The following PIEZO1 variants were observed in gnomAD, a reference collection of about 807,000 sequenced individuals.
PIEZO1 encodes piezo type mechanosensitive ion channel component 1 (Er blood group), also known as piezo-type mechanosensitive ion channel component 1.
In PIEZO1, 296 loss-of-function variants were observed where a neutral mutation model predicts 297.2. The observed-to-expected ratio is 1.00, with a 90% CI of 0.91 to 1.10. The LOEUF (loss-of-function observed/expected upper bound fraction) is 1.10, where lower values mean the gene tolerates loss of function less well. Among genes scored for constraint, PIEZO1 ranks in the 50% least tolerant of loss-of-function variants. PIEZO1 has a pLI of 0.00. For synonymous variants in PIEZO1, 2,427 were observed against 1,507.5 expected (o/e 1.61, Z -14.13); for missense variants, 5,018 against 3,455.5 (o/e 1.45, Z -11.34).
intron 27 of PIEZO1, 71 bp from the exon 28 acceptor site, chr16:88,725,755 C>T (rs1406385129): frequency 3.7e-6 from 3 of 811,814 alleles, no homozygotes; most frequent in Non-Finnish European, 4.2e-6. Flanking sequence ...CCGCCGCTCC[C>T]CGCTCAGCCC....
At chr16:88,741,353 T>G (rs765492370) in intron 5 of PIEZO1, 125 bp downstream of exon 5, 141 of 927,654 alleles carry the variant, frequency 1.5e-4, no homozygotes, top group Non-Finnish European at 2.0e-4. Context: ...CCTCCTCTCT[T>G]TAACACCAAC....
chr16:88,726,335 T>C lies in PIEZO1; in HGVS notation c.3917A>G (p.Tyr1306Cys). The change falls in exon 27 of 51, where the codon TAC becomes TGC. Residue 1306 changes from tyrosine to cysteine, a missense_variant. Transcript: ENST00000301015. ...LLQRRVFLSHYYLHVRADLQA... is the reference protein window; with the variant it reads ...LLQRRVFLSHCYLHVRADLQA... ...GAGGTCGGCCCTGACGTGCAGGTAG[T>C]AATGGCTAAGGAAGACGCGGCGCTG... 1 of 1,550,314 alleles carries C rather than the reference T, an allele frequency of 6.5e-7. No homozygotes were observed. Among genetic ancestry groups the C allele is most frequent in the South Asian group, 1.2e-5 (1 of 84,058 alleles).
intron 1 of PIEZO1, among the ~76,000 whole-genome samples, chr16:88,778,990 A>G (rs1305694482): frequency 6.7e-6 from 1 of 149,102 alleles, no homozygotes; most frequent in African/African-American, 2.5e-5. Flanking sequence ...GGGAGGACAG[A>G]GGTTCAAAGG....
At chr16:88,758,926 G>T (rs1183542390) in intron 1 of PIEZO1, among the ~76,000 whole-genome samples, 2 of 152,214 alleles carry the variant, frequency 1.3e-5, no homozygotes. Flanking sequence ...CATTCCTTTT[G>T]TGTAAAACTG....
intron 1 of PIEZO1, among the ~76,000 whole-genome samples, chr16:88,776,345 A>T (rs1471083645): frequency 2.0e-5 from 3 of 151,984 alleles, no homozygotes; most frequent in Non-Finnish European, 4.4e-5. Context: ...GAGGAAGGAG[A>T]ATGGCGTGAA....
rs1278788362 is a variant in PIEZO1, at chr16:88,716,502, C to T, written c.6927-19G>A. 1.3e-5 allele frequency: 20 copies of T among 1,541,452 alleles called. No homozygotes were observed. Among genetic ancestry groups the T allele is most frequent in the East Asian group, 7.4e-5 (3 of 40,814 alleles). ...CAGGTCCCTGGGGGTGGGAACACAG[C>T]GTGACCCACTGTAGTGGGTCCACCC... is the stretch of plus-strand genomic sequence containing the variant. On this transcript the variant is annotated intron_variant, in intron 47 of 50. Coordinates refer to ENST00000301015, the MANE Select transcript of PIEZO1 (RefSeq NM_001142864.4).
chr16:88,728,300 C>G (rs1002392780), intron 22 of PIEZO1, among the ~76,000 whole-genome samples: 2 of 152,272 alleles, frequency 1.3e-5, no homozygotes, highest in African/African-American at 4.8e-5. Flanking sequence ...AGGGTCGGTC[C>G]CTAAGGACTG....
At chr16:88,723,704 G>C (rs149396510) in intron 31 of PIEZO1, among the ~76,000 whole-genome samples, 167 bp downstream of exon 31, 2 of 152,366 alleles carry the variant, frequency 1.3e-5, no homozygotes, top group Non-Finnish European at 2.9e-5. Flanking sequence ...CCTGTAGCCT[G>C]GTTTCCCATG....
chr16:88,764,087 G>A (rs1442237687), intron 1 of PIEZO1, among the ~76,000 whole-genome samples: 6 of 152,152 alleles, frequency 3.9e-5, no homozygotes, highest in African/African-American at 1.4e-4. Context: ...TTCCCCGGGG[G>A]GCACCAGAGC....
chr16:88,727,672 G>C lies in PIEZO1; in HGVS notation c.3197-11C>G, dbSNP rs1332445173. 7.1e-7 allele frequency: 1 copy of C among 1,399,294 alleles called. No individual in the cohort carries two copies. The highest frequency in any genetic ancestry group is 1.5e-5 in the South Asian group (1 of 68,738). 86.7% of individuals were successfully genotyped at this position (1,399,294 alleles called of 1,614,324 possible). Reference sequence around the variant, plus strand: ...AGCGCCAGGGATAATCTGGGGGAAGGGGTGTCATGTCAGGAAGGGCCGGGC... The same window carrying C: ...AGCGCCAGGGATAATCTGGGGGAAGCGGTGTCATGTCAGGAAGGGCCGGGC... On this transcript the variant is annotated splice_polypyrimidine_tract_variant and intron_variant, in intron 22 of 50. Coordinates refer to ENST00000301015, the MANE Select transcript of PIEZO1 (RefSeq NM_001142864.4).
In PIEZO1 at chr16:88,715,587, G is replaced by T; in HGVS notation, c.*18C>A. ...CCAGCAGGCCGGCTCCTTCCCTCTC[G>T]GGCGCCAGCAGCAGCTCCTACTCCT... On this transcript the variant is annotated 3_prime_UTR_variant, in exon 51 of 51. Transcript: ENST00000301015. The T allele has an allele frequency of 6.5e-7, 1 of 1,545,842 alleles. No homozygotes were observed. Among genetic ancestry groups the T allele is most frequent in the Non-Finnish European group, 8.7e-7 (1 of 1,144,858 alleles).
Position 88,731,922 on chromosome 16 carries a change from A to AGTGGGCGGGGCGTGGG in PIEZO1, c.2992-13_2992-12insCCCACGCCCCGCCCAC. ...ATCAGGAAGCAGATCTGGGGAGGGG[A>AGTGGGCGGGGCGTGGG]GAGGGCGGGGTGTGGGGATGCACTG... On this transcript the variant is annotated splice_polypyrimidine_tract_variant and intron_variant, in intron 21 of 50. Coordinates refer to ENST00000301015, the MANE Select transcript of PIEZO1 (RefSeq NM_001142864.4). The AGTGGGCGGGGCGTGGG allele has an allele frequency of 5.3e-6, 2 of 374,956 alleles. No individual in the cohort carries two copies. The highest frequency in any genetic ancestry group is 7.1e-6 in the Non-Finnish European group (2 of 281,118). 23.2% of individuals were successfully genotyped at this position (374,956 alleles called of 1,614,324 possible). A position where few individuals can be genotyped will look rare whatever the true frequency, so the allele number is the denominator to read the frequency against.
intron 30 of PIEZO1, among the ~76,000 whole-genome samples, chr16:88,724,636 G>A (rs899731088): frequency 1.3e-5 from 2 of 152,058 alleles, no homozygotes; most frequent in Admixed American, 1.3e-4. Flanking sequence ...AGAGATTGCA[G>A]TGAGCTGAGA....
intron 10 of PIEZO1, chr16:88,737,349 T>G: frequency 1.9e-6 from 1 of 539,318 alleles, no homozygotes; most frequent in South Asian, 2.1e-5. Flanking sequence ...CCTGGGGGTC[T>G]TGGGGGTTGG....
Position 88,741,568 on chromosome 16 carries a change from G to A in PIEZO1, c.375C>T (p.Asp125=), listed in dbSNP as rs753335111. 3.9e-6 allele frequency: 6 copies of A among 1,535,772 alleles called. No homozygotes were observed. In the South Asian group the frequency reaches 5.9e-5, roughly 15 times the overall value. ...CAGAGGAGACCACCAAGATGCCCAG[G>A]TCAGGGGCCACCAGCCGGATGGCGT... The part of the protein sequence containing the change: ...IPNAIRLVAP[D]LGILVVSSVC... The change falls in exon 5 of 51, where the codon GAC becomes GAT. Residue 125 remains aspartate, a synonymous_variant. Transcript: ENST00000301015.
rs1237667424 is a variant in PIEZO1, at chr16:88,722,191, C to G, written c.4955+27G>C. The G allele has an allele frequency of 3.9e-6, 6 of 1,538,758 alleles. No individual in the cohort carries two copies. The South Asian group carries it at 7.2e-5, about 19-fold the overall frequency. On this transcript the variant is annotated intron_variant, in intron 36 of 50. Coordinates refer to ENST00000301015, the MANE Select transcript of PIEZO1 (RefSeq NM_001142864.4). Reference sequence around the variant, plus strand: ...CTGCTCCCCGAGGGCCATGGTGAGGCTGGTGTTGTGCGCGTCCCGCCCCCA... The same window carrying G: ...CTGCTCCCCGAGGGCCATGGTGAGGGTGGTGTTGTGCGCGTCCCGCCCCCA...
chr16:88,751,589 C>G (rs1456534514), intron 1 of PIEZO1, among the ~76,000 whole-genome samples: 1 of 152,188 alleles, frequency 6.6e-6, no homozygotes. Flanking sequence ...GTTAAGATCC[C>G]CTCTTCCTCC....
At chr16:88,732,054 C>CA (rs1194745984) in intron 21 of PIEZO1, 144 bp from the exon 22 acceptor site, 2 of 382,100 alleles carry the variant, frequency 5.2e-6, no homozygotes, top group African/African-American at 5.9e-5. Flanking sequence ...GCGGCGCTGT[C>CA]AAGAGGGCAG....
chr16:88,751,745 G>C (rs576075745), intron 1 of PIEZO1, among the ~76,000 whole-genome samples: 4 of 152,074 alleles, frequency 2.6e-5, no homozygotes, highest in Non-Finnish European at 4.4e-5. Flanking sequence ...AAAGGCTTCT[G>C]AAGTTCTGAA....
Sources: allele counts gnomAD v4.1 joint callset (sites outside exome capture counted in the v4.1 genomes callset), GRCh38; gene constraint gnomAD v4.1.1; transcripts MANE v1.5; gene names NCBI Gene and HGNC (gene_info 2026-07-23, HGNC 2026-07-21).